OPHN1: variants seen among roughly 807,000 people sequenced by gnomAD.
OPHN1 encodes the protein oligophrenin 1.
A neutral mutation model predicts 60.7 loss-of-function variants in OPHN1; 11 were observed. That is an observed-to-expected ratio of 0.18 (90% CI 0.11 to 0.30). The LOEUF (loss-of-function observed/expected upper bound fraction) is 0.30, where lower values mean the gene tolerates loss of function less well. Among genes scored for constraint, OPHN1 ranks in the 10% least tolerant of loss-of-function variants. OPHN1 has a pLI of 1.00. For synonymous variants in OPHN1, 226 were observed against 222.6 expected (o/e 1.02, Z -0.14); for missense variants, 449 against 611.0 (o/e 0.73, Z 2.80).
At position 68,146,162 on chromosome X, in the gene OPHN1, C is replaced by T. The variant is rs758398080; in HGVS notation, c.1277-26830G>A. Among the ~76,000 whole-genome samples the T allele has an allele frequency of 2.7e-5, 3 of 112,175 alleles. No homozygotes were observed. In the Admixed American group the frequency reaches 2.8e-4, roughly 11 times the overall value. On this transcript the variant is annotated intron_variant, in intron 15 of 24. Transcript: ENST00000355520. ...TTCATACAAATATCTGGATTCCAAA[C>T]GTTTCTTGAAAAATCAGAAGCTCTG...
intron 5 of OPHN1, among the ~76,000 whole-genome samples, chrX:68,257,631 CCTA>C: frequency 9.0e-6 from 1 of 111,432 alleles, no homozygotes; most frequent in Middle Eastern, 4.6e-3. Context: ...ATTTATTAGA[CCTA>C]CACAGCTACC....
Position 68,118,127 on chromosome X carries a change from C to T in OPHN1, c.1361+1121G>A, listed in dbSNP as rs764355249. Reference sequence around the variant, plus strand: ...TAGGGGGCAGGAGAAGAAGATGCCCCAGTACCAGGGGCCTTATAAGTCAGA... The same window carrying T: ...TAGGGGGCAGGAGAAGAAGATGCCCTAGTACCAGGGGCCTTATAAGTCAGA... On this transcript the variant is annotated intron_variant, in intron 16 of 24. Coordinates refer to ENST00000355520, the MANE Select transcript of OPHN1 (RefSeq NM_002547.3). Among the ~76,000 whole-genome samples the T allele has an allele frequency of 6.2e-4, 69 of 111,650 alleles. 1 individual carries two copies. Among genetic ancestry groups the T allele is most frequent in the Middle Eastern group, 4.6e-3 (1 of 218 alleles).
At chrX:68,064,895 T>C (rs758656934) in intron 20 of OPHN1, among the ~76,000 whole-genome samples, 7 of 111,582 alleles carry the variant, frequency 6.3e-5, no homozygotes, top group Non-Finnish European at 1.3e-4. Flanking sequence ...TCACCTTCCA[T>C]AGTCATAAAA....
At chrX:68,179,965 C>T (rs2077429694) in intron 15 of OPHN1, among the ~76,000 whole-genome samples, 1 of 111,294 alleles carries the variant, frequency 9.0e-6, no homozygotes, top group South Asian at 3.8e-4. Context: ...GACTTAATCA[C>T]CTCTTAAAGG....
chrX:68,329,787 G>A (rs918064235), intron 2 of OPHN1, among the ~76,000 whole-genome samples: 45 of 111,906 alleles, frequency 4.0e-4, no homozygotes, highest in South Asian at 1.5e-3. Context: ...TGGGCATATA[G>A]ACAAGAGAAG....
chrX:68,156,594 T>C (rs2077310876), intron 15 of OPHN1, among the ~76,000 whole-genome samples: 1 of 111,096 alleles, frequency 9.0e-6, no homozygotes, highest in African/African-American at 3.3e-5. Context: ...TCTTTCTCTG[T>C]AGATTGGCCT....
Position 68,130,648 on chromosome X carries a change from A to G in OPHN1, c.1277-11316T>C, listed in dbSNP as rs947156966. Among the ~76,000 whole-genome samples the G allele has an allele frequency of 1.1e-4, 12 of 111,563 alleles. No homozygotes were observed. In the Admixed American group the frequency reaches 1.1e-3, roughly 11 times the overall value. On this transcript the variant is annotated intron_variant, in intron 15 of 24. Coordinates refer to ENST00000355520, the MANE Select transcript of OPHN1 (RefSeq NM_002547.3). ...AAAATTTCCAAACATATCCTCCACA[A>G]AACAATATAGAGCCACCAGAACAAC...
At chrX:68,248,332 G>A (rs149971309) in intron 5 of OPHN1, among the ~76,000 whole-genome samples, 5 of 111,050 alleles carry the variant, frequency 4.5e-5, no homozygotes, top group Non-Finnish European at 9.4e-5. Context: ...TGGCAAACGG[G>A]CATATGAAAA....
intron 15 of OPHN1, among the ~76,000 whole-genome samples, chrX:68,170,880 T>C (rs187003525): frequency 0.07 from 7,504 of 107,703 alleles, 233 homozygotes; most frequent in African/African-American, 0.097. Context: ...CATGTATACA[T>C]ATGTAACTAA....
chrX:68,108,931 A>G (rs774609681), intron 18 of OPHN1, among the ~76,000 whole-genome samples: 3 of 111,332 alleles, frequency 2.7e-5, no homozygotes, highest in Non-Finnish European at 5.7e-5. Flanking sequence ...TACCCCTATC[A>G]CCTCCACCCT....
chrX:68,216,227 AAAG>A (rs1351994307), intron 6 of OPHN1, among the ~76,000 whole-genome samples: 2 of 111,723 alleles, frequency 1.8e-5, no homozygotes, highest in African/African-American at 6.5e-5. Context: ...AAAAAATGAA[AAAG>A]AAGAAGTATA....
chrX:68,112,089 AG>A (rs2077107558), intron 17 of OPHN1, 130 bp from the exon 18 acceptor site: 19 of 111,317 alleles, frequency 1.7e-4, no homozygotes, highest in South Asian at 1.6e-3. Context: ...ACACACACAC[AG>A]AGAGAGATTC....
At chrX:68,278,665 C>T (rs1304708973) in intron 4 of OPHN1, among the ~76,000 whole-genome samples, 2 of 113,183 alleles carry the variant, frequency 1.8e-5, no homozygotes, top group East Asian at 2.8e-4. Flanking sequence ...GCGGGTGGAT[C>T]AGCTGAGGCC....
chrX:68,234,910 A>G (rs905654181), intron 5 of OPHN1, among the ~76,000 whole-genome samples: 1 of 112,369 alleles, frequency 8.9e-6, no homozygotes, highest in African/African-American at 3.2e-5. Context: ...TATTTTTCAC[A>G]TAGATTAACC....
intron 11 of OPHN1, among the ~76,000 whole-genome samples, 193 bp from the exon 12 acceptor site, chrX:68,197,457 C>T (rs2077517560): frequency 9.0e-6 from 1 of 110,801 alleles, no homozygotes; most frequent in Non-Finnish European, 1.9e-5. Flanking sequence ...CTTTGGGAAC[C>T]ATGGAGGCGG....
chrX:68,193,941 C>T lies in OPHN1; in HGVS notation c.1150G>A (p.Glu384Lys), dbSNP rs1250966787. ...ITKQQEMELNEVGFKFVRKCI... is the reference protein window; with the variant it reads ...ITKQQEMELNKVGFKFVRKCI... ...TTCCTGACAAACTTGAAGCCCACTT[C>T]ATTTAGCTCCACTGTTTCAAGCAAA... The change falls in exon 14 of 25, where the codon GAA (glutamate) becomes AAA (lysine). Residue 384 changes from glutamate to lysine, a missense_variant. Glu to Lys is a moderately conservative substitution (Grantham distance 56). Around this residue, in one of 4 missense-constraint regions of OPHN1, gnomAD observed 166 missense variants for 278.4 expected, o/e 0.60. Coordinates refer to ENST00000355520, the MANE Select transcript of OPHN1 (RefSeq NM_002547.3). 1 of 1,206,353 alleles carries T rather than the reference C, an allele frequency of 8.3e-7. No individual in the cohort carries two copies. The highest frequency in any genetic ancestry group is 1.1e-6 in the Non-Finnish European group (1 of 890,769).
chrX:68,371,879 G>T (rs962438714), intron 2 of OPHN1, among the ~76,000 whole-genome samples: 2 of 112,126 alleles, frequency 1.8e-5, no homozygotes, highest in Non-Finnish European at 3.8e-5. Context: ...CAAGTAGCTG[G>T]GACTACAGGC....
chrX:68,129,744 T>C (rs931044309), intron 15 of OPHN1, among the ~76,000 whole-genome samples: 1 of 111,760 alleles, frequency 8.9e-6, no homozygotes, highest in Non-Finnish European at 1.9e-5. Flanking sequence ...GATAATATAA[T>C]ATTACTGAGA....
At chrX:68,132,067 A>T (rs1245379803) in intron 15 of OPHN1, among the ~76,000 whole-genome samples, 2 of 111,891 alleles carry the variant, frequency 1.8e-5, no homozygotes, top group African/African-American at 6.5e-5. Flanking sequence ...TAATGAGGCG[A>T]TTAGAGGAAA....
Sources: allele counts gnomAD v4.1 joint callset (sites outside exome capture counted in the v4.1 genomes callset), GRCh38; gene constraint gnomAD v4.1.1; regional missense constraint gnomAD v4.1.1; transcripts MANE v1.5; gene names NCBI Gene and HGNC (gene_info 2026-07-23, HGNC 2026-07-21).